The following TAFA2 variants were observed in gnomAD, a reference collection of about 807,000 sequenced individuals.
TAFA2 encodes TAFA chemokine like family member 2.
TAFA2 carries 7 observed loss-of-function variants against 18.8 expected under a neutral mutation model. The ratio of observed to expected loss-of-function variants is 0.37; its 90% CI spans 0.21 to 0.70. The LOEUF is 0.70. Among genes scored for constraint, TAFA2 ranks in the 30% least tolerant of loss-of-function variants. The pLI, the probability that TAFA2 is intolerant of heterozygous loss-of-function variation, is 0.53. For synonymous variants in TAFA2, 60 were observed against 54.2 expected (o/e 1.11, Z -0.47); for missense variants, 122 against 158.1 (o/e 0.77, Z 1.23).
At chr12:62,128,059 T>C (rs1009851363) in intron 1 of TAFA2, among the ~76,000 whole-genome samples, 3 of 151,922 alleles carry the variant, frequency 2.0e-5, no homozygotes, top group Non-Finnish European at 4.4e-5. Context: ...AGCAAGCATA[T>C]GGTGGAAAAT....
At chr12:61,847,262 T>C (rs561289506) in intron 2 of TAFA2, among the ~76,000 whole-genome samples, 1 of 152,352 alleles carries the variant, frequency 6.6e-6, no homozygotes, top group Admixed American at 6.5e-5. Context: ...TGTTCACAAT[T>C]TTATTAAACT....
chr12:61,987,781 G>A (rs917572558), intron 1 of TAFA2, among the ~76,000 whole-genome samples: 2 of 152,206 alleles, frequency 1.3e-5, no homozygotes, highest in Non-Finnish European at 2.9e-5. Flanking sequence ...GGAAGGAAGT[G>A]AACGGATGTT....
At chr12:62,132,587 C>T (rs1007890026) in intron 1 of TAFA2, among the ~76,000 whole-genome samples, 7 of 151,684 alleles carry the variant, frequency 4.6e-5, no homozygotes, top group South Asian at 2.1e-4. Context: ...AATAAAACAA[C>T]GTAGAAATAA....
chr12:61,947,201 G>T lies in TAFA2; in HGVS notation c.-1-79775C>A, dbSNP rs1023485673. Among the ~76,000 whole-genome samples, 841 of 147,172 alleles carry T rather than the reference G, an allele frequency of 5.7e-3. 5 individuals carry two copies. Among genetic ancestry groups the T allele is most frequent in the Middle Eastern group, 0.017 (5 of 292 alleles). On this transcript the variant is annotated intron_variant, in intron 1 of 4. Transcript: ENST00000416284. ...AAACCATCATTCTCAGTAAACTATC[G>T]CAAGGACAAAAAACCAAACACCGCA...
At chr12:61,966,326 C>G (rs1460317586) in intron 1 of TAFA2, among the ~76,000 whole-genome samples, 2 of 151,942 alleles carry the variant, frequency 1.3e-5, no homozygotes, top group East Asian at 3.9e-4. Flanking sequence ...AAGATGGCAC[C>G]CTGCTGCTGC....
intron 2 of TAFA2, among the ~76,000 whole-genome samples, chr12:61,806,369 A>G (rs1221238721): frequency 2.0e-5 from 3 of 152,146 alleles, no homozygotes; most frequent in African/African-American, 7.2e-5. Context: ...GCCTCCATGT[A>G]ATATGTGCCT....
At position 62,189,489 on chromosome 12, in the gene TAFA2, A is replaced by G. The variant is rs142627499; in HGVS notation, c.-2+1770T>C. On this transcript the variant is annotated intron_variant, in intron 1 of 4. Coordinates refer to ENST00000416284, the MANE Select transcript of TAFA2 (RefSeq NM_178539.5). ...GATGAGATTCAAAACAAAATAAAGT[A>G]AGGAAAGAGACAAACATGTCTGATC... Among the ~76,000 whole-genome samples, 18 of 152,344 alleles carry G rather than the reference A, an allele frequency of 1.2e-4. No individual in the cohort carries two copies. The East Asian group carries it at 3.3e-3, about 28-fold the overall frequency.
At chr12:62,013,383 A>T (rs1880831315) in intron 1 of TAFA2, among the ~76,000 whole-genome samples, 1 of 152,192 alleles carries the variant, frequency 6.6e-6, no homozygotes. Context: ...TGGTTAACAT[A>T]TTATAAAAGT....
At chr12:62,106,176 T>TAA (rs200369835) in intron 1 of TAFA2, among the ~76,000 whole-genome samples, 3 of 149,052 alleles carry the variant, frequency 2.0e-5, no homozygotes, top group East Asian at 2.0e-4. Context: ...CTGCTAAAAA[T>TAA]AAAAAAAAAT....
At chr12:61,904,980 A>C (rs1422043954) in intron 1 of TAFA2, among the ~76,000 whole-genome samples, 1 of 152,210 alleles carries the variant, frequency 6.6e-6, no homozygotes, top group East Asian at 1.9e-4. Flanking sequence ...ACAGGTTGCC[A>C]TTAAAAAATA....
intron 1 of TAFA2, among the ~76,000 whole-genome samples, chr12:62,016,642 G>A (rs1183536768): frequency 6.6e-6 from 1 of 152,160 alleles, no homozygotes; most frequent in Non-Finnish European, 1.5e-5. Context: ...AATATAAAAT[G>A]TAAGGCATAC....
chr12:62,051,501 A>G (rs1882053159), intron 1 of TAFA2, among the ~76,000 whole-genome samples: 1 of 152,046 alleles, frequency 6.6e-6, no homozygotes, highest in Non-Finnish European at 1.5e-5. Flanking sequence ...ACCCCATTTT[A>G]AGTAAGCTTC....
intron 1 of TAFA2, among the ~76,000 whole-genome samples, chr12:62,022,856 G>A (rs1316786959): frequency 1.3e-5 from 2 of 152,198 alleles, no homozygotes; most frequent in South Asian, 4.1e-4. Context: ...GTGTATACCA[G>A]CAAGTAGTTC....
intron 1 of TAFA2, among the ~76,000 whole-genome samples, chr12:61,875,127 T>C (rs1001129390): frequency 6.6e-6 from 1 of 152,114 alleles, no homozygotes; most frequent in Non-Finnish European, 1.5e-5. Context: ...ACATAAAGAA[T>C]GTACAAATAT....
intron 1 of TAFA2, among the ~76,000 whole-genome samples, chr12:62,074,724 CAG>C (rs1384974741): frequency 7.2e-6 from 1 of 138,396 alleles, no homozygotes; most frequent in Non-Finnish European, 1.5e-5. Flanking sequence ...TTTTTTGAGA[CAG>C]AGTCTCACTC....
intron 1 of TAFA2, among the ~76,000 whole-genome samples, chr12:62,072,281 G>A (rs573993469): frequency 4.0e-5 from 6 of 151,774 alleles, no homozygotes; most frequent in African/African-American, 9.7e-5. Context: ...TGGCTAACAC[G>A]GTGAAACCCC....
intron 1 of TAFA2, chr12:62,255,447 C>T (rs532936584): frequency 1.3e-5 from 2 of 152,116 alleles, no homozygotes; most frequent in Non-Finnish European, 2.9e-5. Context: ...CTACCATACA[C>T]GTACATTTAA....
chr12:61,892,338 A>C (rs1322384797), intron 1 of TAFA2, among the ~76,000 whole-genome samples: 1 of 152,182 alleles, frequency 6.6e-6, no homozygotes, highest in African/African-American at 2.4e-5. Flanking sequence ...TTACGTAGGA[A>C]GTTGGGAACA....
chr12:62,080,840 C>T (rs1868309103), intron 1 of TAFA2, among the ~76,000 whole-genome samples: 1 of 151,382 alleles, frequency 6.6e-6, no homozygotes, highest in South Asian at 2.1e-4. Flanking sequence ...ATCTCTACAA[C>T]AGGTTCATTA....
Sources: allele counts gnomAD v4.1 joint callset (sites outside exome capture counted in the v4.1 genomes callset), GRCh38; gene constraint gnomAD v4.1.1; transcripts MANE v1.5; gene names NCBI Gene and HGNC (gene_info 2026-07-23, HGNC 2026-07-21).